SPON1: variants seen among roughly 807,000 people sequenced by gnomAD.
The protein encoded by SPON1 is spondin 1, also known as spondin-1.
Under a neutral mutation model 111.7 loss-of-function variants are expected in SPON1, and 52 were observed. The observed-to-expected ratio is 0.47, with a 90% CI of 0.37 to 0.59. The LOEUF (loss-of-function observed/expected upper bound fraction) is 0.59. SPON1 is among the 20% of genes least tolerant of loss of function. The pLI, the probability that SPON1 is intolerant of heterozygous loss-of-function variation, is 0.00. For missense variants in SPON1, 957 were observed against 1,068.5 expected (o/e 0.90, Z 1.46); for synonymous variants, 410 against 395.8 (o/e 1.04, Z -0.43).
chr11:14,098,682 GAGAGAGAGAATAGGAGGGGAAGAGAGAC>G (rs1849121254), intron 5 of SPON1, among the ~76,000 whole-genome samples: 1 of 151,992 alleles, frequency 6.6e-6, no homozygotes, highest in Non-Finnish European at 1.5e-5. Flanking sequence ...GGAAGAGAGA[GAGAGAGAGAATAGGAGGGGAAGAGAGAC>G]AGAGGGAGAA....
At chr11:14,263,818 C>G (rs926792920) in intron 15 of SPON1, among the ~76,000 whole-genome samples, 1 of 151,956 alleles carries the variant, frequency 6.6e-6, no homozygotes, top group Non-Finnish European at 1.5e-5. Context: ...CACTTGAGGT[C>G]AGGAGTTTGA....
intron 6 of SPON1, chr11:14,224,741 T>C: frequency 2.0e-6 from 1 of 504,470 alleles, no homozygotes; most frequent in Admixed American, 2.0e-5. Flanking sequence ...CACATAAGGG[T>C]GAAAGACTGA....
intron 3 of SPON1, among the ~76,000 whole-genome samples, chr11:14,054,293 T>C (rs1210788664): frequency 1.3e-5 from 2 of 152,218 alleles, no homozygotes; most frequent in African/African-American, 4.8e-5. Flanking sequence ...GTTTGACAGC[T>C]GTGGTGCACT....
chr11:14,132,186 G>A (rs1282512562), intron 5 of SPON1, among the ~76,000 whole-genome samples: 2 of 152,034 alleles, frequency 1.3e-5, no homozygotes, highest in African/African-American at 4.8e-5. Flanking sequence ...GCTGAGGCAA[G>A]AGAATCGCTT....
chr11:14,134,804 C>G (rs988663833), intron 5 of SPON1, among the ~76,000 whole-genome samples: 3 of 152,192 alleles, frequency 2.0e-5, no homozygotes, highest in African/African-American at 4.8e-5. Flanking sequence ...CAGTGGTTCT[C>G]AGATCCTTTC....
intron 6 of SPON1, among the ~76,000 whole-genome samples, chr11:14,136,425 G>C (rs1221199635): frequency 6.6e-6 from 1 of 152,228 alleles, no homozygotes; most frequent in African/African-American, 2.4e-5. Flanking sequence ...CTGAGAGGCT[G>C]TTGCCCTCCC....
intron 5 of SPON1, among the ~76,000 whole-genome samples, chr11:14,097,986 A>C (rs1194594460): frequency 6.6e-6 from 1 of 152,020 alleles, no homozygotes; most frequent in Non-Finnish European, 1.5e-5. Flanking sequence ...TAATTTTTTT[A>C]ATGGGTGTTG....
chr11:14,178,290 C>T (rs916468198), intron 6 of SPON1, among the ~76,000 whole-genome samples: 1 of 152,054 alleles, frequency 6.6e-6, no homozygotes, highest in African/African-American at 2.4e-5. Context: ...GGCATGGTGG[C>T]GGGCGCCTGT....
At position 14,259,981 on chromosome 11, in the gene SPON1, G is replaced by A. The variant is rs1362981739; in HGVS notation, c.1831+280G>A. The stretch of plus-strand genomic sequence containing the variant: ...AATTCACCTGCAGCTGTGTTTTATA[G>A]GAGTGTCTTTCTTGCAGTGGTGGGG... On this transcript the variant is annotated intron_variant, in intron 13 of 15. Transcript: ENST00000576479. This position sits in a 1 kb window ranked among gnomAD's most constrained non-coding sequence, Gnocchi z 5.0. 6.6e-6 allele frequency among the ~76,000 whole-genome samples: 1 copy of A among 152,290 alleles called. No individual in the cohort carries two copies. Among genetic ancestry groups the A allele is most frequent in the South Asian group, 2.1e-4 (1 of 4,820 alleles).
rs7124311 is a variant in SPON1, at chr11:14,028,842, T to C, written c.346-12679T>C. On this transcript the variant is annotated intron_variant, in intron 2 of 15. Transcript: ENST00000576479. ...GTAGCTAAGGCAGAAATCAGACCTA[T>C]GTCTGCTGGCTCCAAAGTCCACATC... 2.0e-3 allele frequency among the ~76,000 whole-genome samples: 303 copies of C among 152,114 alleles called. 4 individuals are homozygous for C. The highest frequency in any genetic ancestry group is 7.0e-3 in the African/African-American group (289 of 41,526).
At chr11:14,224,762 A>T in intron 6 of SPON1, 1 of 500,664 alleles carries the variant, frequency 2.0e-6, no homozygotes, top group Non-Finnish European at 4.0e-6. Context: ...GGGAGATATG[A>T]GGCCGGAGAA....
chr11:14,065,458 G>T (rs1848825422), intron 3 of SPON1, among the ~76,000 whole-genome samples: 1 of 152,178 alleles, frequency 6.6e-6, no homozygotes, highest in East Asian at 1.9e-4. Context: ...GAGCAGCAAG[G>T]ACTCAGCACA....
chr11:14,131,040 G>T (rs138524787), intron 5 of SPON1, among the ~76,000 whole-genome samples: 1 of 152,066 alleles, frequency 6.6e-6, no homozygotes, highest in Non-Finnish European at 1.5e-5. Flanking sequence ...GTCATTCTTC[G>T]CAGGAGGAAC....
intron 5 of SPON1, among the ~76,000 whole-genome samples, chr11:14,125,670 GA>G (rs561109570): frequency 1.4e-3 from 216 of 152,342 alleles, no homozygotes; most frequent in Non-Finnish European, 2.0e-3. Flanking sequence ...ATTGGCAGGG[GA>G]ATGCAGCCAC....
At chr11:14,149,914 G>A (rs1591389650) in intron 6 of SPON1, among the ~76,000 whole-genome samples, 2 of 122,516 alleles carry the variant, frequency 1.6e-5, no homozygotes, top group South Asian at 2.7e-4. Flanking sequence ...TGTTAAGTGA[G>A]GCATGACTGG....
intron 4 of SPON1, 84 bp from the exon 5 acceptor site, chr11:14,079,815 A>G: frequency 6.9e-7 from 1 of 1,450,724 alleles, no homozygotes; most frequent in South Asian, 1.2e-5. Context: ...CTAAGGGTTA[A>G]GGATAAAATG....
At chr11:14,242,958 G>T (rs1181158443) in intron 6 of SPON1, among the ~76,000 whole-genome samples, 5 of 152,214 alleles carry the variant, frequency 3.3e-5, no homozygotes, top group Non-Finnish European at 7.3e-5. Flanking sequence ...CCTGGAGCAG[G>T]CCCCACTCAG....
intron 5 of SPON1, among the ~76,000 whole-genome samples, chr11:14,087,780 C>T (rs1218570595): frequency 6.6e-6 from 1 of 152,184 alleles, no homozygotes; most frequent in African/African-American, 2.4e-5. Context: ...GTCTAAGTCT[C>T]TTTGTAGGTC....
rs1331469501 is a variant in SPON1, at chr11:14,259,727, G to A, written c.1831+26G>A. ...GTGAGTGAGAGCGGGGGTGGACTTG[G>A]AGGAGGCCACTGGGGACAGGCGTGG... On this transcript the variant is annotated intron_variant, in intron 13 of 15. Coordinates refer to ENST00000576479, the MANE Select transcript of SPON1 (RefSeq NM_006108.4). The surrounding 1 kb of genome is among the most constrained non-coding windows in gnomAD (Gnocchi z 5.0). 1.3e-6 allele frequency: 2 copies of A among 1,559,532 alleles called. No homozygotes were observed. The highest frequency in any genetic ancestry group is 1.4e-5 in the African/African-American group (1 of 73,674).
Sources: gnomAD v4.1 joint callset for allele counts (sites outside exome capture counted in the v4.1 genomes callset) on GRCh38, gnomAD v4.1.1 for gene constraint, Gnocchi (gnomAD v3.1) non-coding constraint, MANE v1.5 for transcripts, NCBI Gene and HGNC (gene_info 2026-07-23, HGNC 2026-07-21) for gene names.